Variants in RET observed in about 807,000 individuals in gnomAD.
RET encodes proto-oncogene tyrosine-protein kinase receptor Ret.
In RET, 19 loss-of-function variants were observed where a neutral mutation model predicts 118.3. The observed-to-expected ratio is 0.16, with a 90% confidence interval of 0.11 to 0.24. RET has a LOEUF of 0.24. Ranked by LOEUF, RET falls within the 10% of genes least tolerant of loss-of-function variation. The pLI, the probability that RET is intolerant of heterozygous loss-of-function variation, is 1.00. For synonymous variants in RET, 597 were observed against 644.1 expected (o/e 0.93, Z 1.11); for missense variants, 1,219 against 1,502.1 (o/e 0.81, Z 3.12).
At position 43,129,287 on chromosome 10, in the gene RET, T is replaced by C. The variant is rs138493014; in HGVS notation, c.*1018T>C. On this transcript the variant is annotated 3_prime_UTR_variant, in exon 20 of 20. Transcript: ENST00000355710. ...CTTACTCATAAAGGGACAGGCTAGC[T>C]AGCTGTGTTAGAAGTAGCAATGACA... The C allele has an allele frequency of 3.6e-4, 84 of 233,722 alleles. No homozygotes were observed. Among genetic ancestry groups the C allele is most frequent in the Non-Finnish European group, 6.4e-4 (76 of 118,024 alleles). The allele number at this position is 233,722 out of a possible 1,614,324, so 14.5% of individuals were successfully genotyped here. A position where few individuals can be genotyped will look rare whatever the true frequency, so the allele number is the denominator to read the frequency against.
intron 5 of RET, among the ~76,000 whole-genome samples, chr10:43,107,262 A>C (rs1446157139): frequency 6.6e-6 from 1 of 152,004 alleles, no homozygotes; most frequent in African/African-American, 2.4e-5. Context: ...CCACCTCACC[A>C]AGCCTATGGA....
chr10:43,128,008 C>T (rs781306956), intron 19 of RET, 104 bp from the exon 20 acceptor site: 16 of 1,183,980 alleles, frequency 1.4e-5, no homozygotes, highest in South Asian at 8.6e-5. Context: ...ACAGAAACCA[C>T]GAGTTTGGTT....
chr10:43,106,634 G>GAA lies in RET; in HGVS notation c.1063+63_1063+64insAA. On this transcript the variant is annotated intron_variant, in intron 5 of 19. Transcript: ENST00000355710. The surrounding 1 kb of genome is among the most constrained non-coding windows in gnomAD (Gnocchi z 5.1). Reference sequence around the variant, plus strand: ...AGGAAATGAGGTGCTCGCTCTTCATGGGCAAGCAGCACCCTACACACATGC... The same window carrying GAA: ...AGGAAATGAGGTGCTCGCTCTTCATGAAGGCAAGCAGCACCCTACACACATGC... 1 of 1,538,446 alleles carries GAA rather than the reference G, an allele frequency of 6.5e-7. No homozygotes were observed.
intron 5 of RET, among the ~76,000 whole-genome samples, chr10:43,107,851 C>T (rs1347601842): frequency 6.6e-6 from 1 of 152,062 alleles, no homozygotes; most frequent in Admixed American, 6.5e-5. Flanking sequence ...TATCTTAAAA[C>T]AGGGGCTTAC....
At chr10:43,126,966 T>C in intron 19 of RET, 1 of 1,408,444 alleles carries the variant, frequency 7.1e-7, no homozygotes, top group East Asian at 2.6e-5. Context: ...CTTAGGATGG[T>C]AGAGGAAAAA....
chr10:43,127,612 C>A, intron 19 of RET: 4 of 402,430 alleles, frequency 9.9e-6, no homozygotes, highest in Non-Finnish European at 1.4e-5. Context: ...ACTGACTCCT[C>A]ACTGGCTTTG....
At position 43,100,503 on chromosome 10, in the gene RET, C is replaced by T. The variant is rs373420806; in HGVS notation, c.118C>T (p.Leu40=). 3.1e-6 allele frequency: 5 copies of T among 1,613,798 alleles called. No homozygotes were observed. The highest frequency in any genetic ancestry group is 4.2e-6 in the Non-Finnish European group (5 of 1,180,032). The change falls in exon 2 of 20, where the codon CTG becomes TTG. Residue 40 remains leucine, a synonymous_variant. Coordinates refer to ENST00000355710, the MANE Select transcript of RET (RefSeq NM_020975.6). ...YFSRDAYWEK[L]YVDQAAGTPL... ...CTCGAGGGATGCTTACTGGGAGAAGCTGTATGTGGACCAGGCAGCCGGCAC... is the reference window on the plus strand; with the variant it reads ...CTCGAGGGATGCTTACTGGGAGAAGTTGTATGTGGACCAGGCAGCCGGCAC...
rs958616893 is a variant in RET at position 43,106,940 on chromosome 10, G to A, written c.1063+369G>A. On this transcript the variant is annotated intron_variant, in intron 5 of 19. Coordinates refer to ENST00000355710, the MANE Select transcript of RET (RefSeq NM_020975.6). The surrounding 1 kb of genome is among the most constrained non-coding windows in gnomAD (Gnocchi z 5.1). ...CCCCTAAGGCGTCCCAAGTGCTTAC[G>A]GATTATTGCTCCAGCCTCAGCAGCT... Among the ~76,000 whole-genome samples, 8 of 152,310 alleles carry A rather than the reference G, an allele frequency of 5.3e-5. No homozygotes were observed. Among genetic ancestry groups the A allele is most frequent in the South Asian group, 2.1e-4 (1 of 4,828 alleles).
chr10:43,087,708 G>C (rs2132565378), intron 1 of RET, among the ~76,000 whole-genome samples: 2 of 152,330 alleles, frequency 1.3e-5, no homozygotes, highest in African/African-American at 4.8e-5. Flanking sequence ...CTTTATGCCA[G>C]GGATCAAGCA....
At chr10:43,089,865 C>T (rs1041396625) in intron 1 of RET, among the ~76,000 whole-genome samples, 3 of 152,224 alleles carry the variant, frequency 2.0e-5, no homozygotes, top group African/African-American at 4.8e-5. Flanking sequence ...CAGACAAGAA[C>T]CCTGAGAGTT....
chr10:43,126,622 TGAC>T lies in RET; in HGVS notation c.3092_3094del (p.Asp1031del), dbSNP rs1260448063. 1 of 1,614,202 alleles carries T rather than the reference TGAC, an allele frequency of 6.2e-7. No homozygotes were observed. Among genetic ancestry groups the T allele is most frequent in the Admixed American group, 1.7e-5 (1 of 60,028 alleles). Reference sequence around the variant, plus strand: ...CCACTCCATCTGACTCCCTGATTTATGACGACGGCCTCTCAGAGGAGGAGACAC... The same window carrying T: ...CCACTCCATCTGACTCCCTGATTTATGACGGCCTCTCAGAGGAGGAGACAC... On this transcript the variant is annotated inframe_deletion, in exon 19 of 20. Coordinates refer to ENST00000355710, the MANE Select transcript of RET (RefSeq NM_020975.6).
Position 43,129,893 on chromosome 10 carries a change from A to G in RET, c.*1624A>G, listed in dbSNP as rs1178302073. The G allele has an allele frequency of 5.0e-6, 2 of 398,832 alleles. No individual in the cohort carries two copies. Among genetic ancestry groups the G allele is most frequent in the African/African-American group, 4.1e-5 (2 of 48,626 alleles). The allele number at this position is 398,832 out of a possible 1,614,324, so 24.7% of individuals were successfully genotyped here. On this transcript the variant is annotated 3_prime_UTR_variant, in exon 20 of 20. Transcript: ENST00000355710. ...GTGATAAGTTCTTTTACAAATATCT[A>G]TAGACATGGTAAACTTTTGGTTTTC... is the stretch of plus-strand genomic sequence containing the variant.
chr10:43,099,582 G>A (rs1030251104), intron 1 of RET, among the ~76,000 whole-genome samples: 1 of 151,914 alleles, frequency 6.6e-6, no homozygotes, highest in African/African-American at 2.4e-5. Context: ...TAAGATGCAC[G>A]GACCTTAGCT....
chr10:43,111,950 A>T (rs2132791188), intron 7 of RET, 149 bp from the exon 8 acceptor site: 1 of 1,138,396 alleles, frequency 8.8e-7, no homozygotes, highest in Non-Finnish European at 1.3e-6. Context: ...TGCTCCTGGC[A>T]CTGTCTTTGC....
chr10:43,129,603 C>T lies in RET; in HGVS notation c.*1334C>T, dbSNP rs745534552. ...GGCTGTGTTGTCAGCACTGTAACTT[C>T]GCAGAAAAGAGTCGGATTACCAAAA... On this transcript the variant is annotated 3_prime_UTR_variant, in exon 20 of 20. Transcript: ENST00000355710. 14 of 246,890 alleles carry T rather than the reference C, an allele frequency of 5.7e-5. No individual in the cohort carries two copies. The highest frequency in any genetic ancestry group is 9.4e-5 in the Non-Finnish European group (12 of 127,700). The allele number at this position is 246,890 out of a possible 1,614,324, so 15.3% of individuals were successfully genotyped here. A position where few individuals can be genotyped will look rare whatever the true frequency, so the allele number is the denominator to read the frequency against.
rs1176758866 is a variant in RET, at chr10:43,114,341, C to A, written c.1880-139C>A. The A allele has an allele frequency of 1.0e-5, 12 of 1,180,082 alleles. No individual in the cohort carries two copies. The highest frequency in any genetic ancestry group is 1.3e-5 in the Non-Finnish European group (11 of 824,004). The allele number at this position is 1,180,082 out of a possible 1,614,324, so 73.1% of individuals were successfully genotyped here. A position where few individuals can be genotyped will look rare whatever the true frequency, so the allele number is the denominator to read the frequency against. On this transcript the variant is annotated intron_variant, in intron 10 of 19. Coordinates refer to ENST00000355710, the MANE Select transcript of RET (RefSeq NM_020975.6). This position sits in a 1 kb window ranked among gnomAD's most constrained non-coding sequence, Gnocchi z 4.6. Reference sequence around the variant, plus strand: ...CATGCTCGATGGGGTGTTCTCAGGCCTTCCCACACCTCCATGGCCACTTCC... The same window carrying A: ...CATGCTCGATGGGGTGTTCTCAGGCATTCCCACACCTCCATGGCCACTTCC...
intron 1 of RET, among the ~76,000 whole-genome samples, chr10:43,083,633 TG>T (rs75991392): frequency 0.031 from 4,790 of 152,226 alleles, 147 homozygotes; most frequent in East Asian, 0.11. Context: ...GACGCGGGGA[TG>T]GGGGCACGCA....
At chr10:43,121,050 G>T (rs894123508) in intron 15 of RET, among the ~76,000 whole-genome samples, 15 of 152,256 alleles carry the variant, frequency 9.9e-5, no homozygotes, top group Non-Finnish European at 2.1e-4. Flanking sequence ...CGTTTCTTCT[G>T]GGGTTTCCCT....
Position 43,119,780 on chromosome 10 carries a change from G to A in RET, c.2607+35G>A, listed in dbSNP as rs769065995. ...TATGGCTCTGCACCCAGCCAGCCCC[G>A]GCCAGGCCACACCCTGACCCACCAC... On this transcript the variant is annotated intron_variant, in intron 14 of 19. Transcript: ENST00000355710. 2.0e-5 allele frequency: 32 copies of A among 1,604,160 alleles called. 1 individual carries two copies. The South Asian group carries it at 2.9e-4, about 14-fold the overall frequency.
Sources: allele counts gnomAD v4.1 joint callset (sites outside exome capture counted in the v4.1 genomes callset), GRCh38; gene constraint gnomAD v4.1.1; non-coding constraint Gnocchi (gnomAD v3.1); transcripts MANE v1.5; gene names NCBI Gene and HGNC (gene_info 2026-07-23, HGNC 2026-07-21).